Variants in SCNN1B observed in about 807,000 individuals in gnomAD.
SCNN1B encodes sodium channel epithelial 1 subunit beta, also known as epithelial sodium channel subunit beta.
SCNN1B carries 46 observed loss-of-function variants against 65.3 expected under a neutral mutation model. The ratio of observed to expected loss-of-function variants is 0.70; its 90% CI spans 0.56 to 0.90. The LOEUF (loss-of-function observed/expected upper bound fraction) is 0.90, where lower values mean the gene tolerates loss of function less well. Among genes scored for constraint, SCNN1B ranks in the 40% least tolerant of loss-of-function variants. The pLI, the probability that SCNN1B is intolerant of heterozygous loss-of-function variation, is 0.00. For synonymous variants in SCNN1B, 349 were observed against 330.6 expected, an observed-to-expected ratio of 1.06 and a Z score of -0.60; for missense variants, 751 against 830.5, an observed-to-expected ratio of 0.90 and a Z score of 1.18.
intron 4 of SCNN1B, chr16:23,359,060 C>T (rs1472247429): frequency 6.6e-6 from 1 of 152,162 alleles, no homozygotes; most frequent in Non-Finnish European, 1.5e-5. Flanking sequence ...GCAACAAAGT[C>T]ATGAGAAAGG....
rs568679530 is a variant in SCNN1B at position 23,279,269 on chromosome 16, G to A, written n.110+929G>A. 6.6e-5 allele frequency among the ~76,000 whole-genome samples: 10 copies of A among 152,106 alleles called. No homozygotes were observed. In the East Asian group the frequency reaches 1.5e-3, roughly 24 times the overall value. ...TAATTTTTGTATTTTTAGTAGAGAC[G>A]GGTTTTCACCATGTTGGCCAGGCTG... On this transcript the variant is annotated intron_variant and non_coding_transcript_variant, in intron 1 of 3. Coordinates refer to the SCNN1B transcript ENST00000569789.
intron 4 of SCNN1B, among the ~76,000 whole-genome samples, chr16:23,356,525 G>A (rs1228619810): frequency 1.3e-5 from 2 of 151,934 alleles, no homozygotes; most frequent in African/African-American, 2.4e-5. Context: ...TCAGGAGGCT[G>A]AGGAGGGAGG....
At position 23,332,838 on chromosome 16, in the gene SCNN1B, G is replaced by A. The variant is rs151030037; in HGVS notation, c.-8-15754G>A. Among the ~76,000 whole-genome samples, 226 of 152,092 alleles carry A rather than the reference G, an allele frequency of 1.5e-3. 4 individuals are homozygous for A. In the East Asian group the frequency reaches 0.038, roughly 26 times the overall value. ...CGTAATCCCAGCACTTTGGGAGGCC[G>A]AGGCAGTGGATTACGAGGTCAGGAG... On this transcript the variant is annotated intron_variant, in intron 1 of 12. Transcript: ENST00000343070.
chr16:23,345,721 G>A (rs545070130), intron 1 of SCNN1B, among the ~76,000 whole-genome samples: 1 of 152,306 alleles, frequency 6.6e-6, no homozygotes, highest in East Asian at 1.9e-4. Context: ...CACCAACTGA[G>A]ATGAAAGGGA....
chr16:23,309,471 A>G (rs3785367), intron 1 of SCNN1B, among the ~76,000 whole-genome samples: 51,493 of 151,958 alleles, frequency 0.34, 10,618 homozygotes, highest in African/African-American at 0.59. Context: ...AGTTTATTAA[A>G]TATTAACTCA....
At chr16:23,372,264 G>A (rs1962801233) in intron 7 of SCNN1B, 2 of 338,278 alleles carry the variant, frequency 5.9e-6, no homozygotes, top group African/African-American at 2.1e-5. Flanking sequence ...ACTGCCTCCT[G>A]CCATGAATCT....
At position 23,381,176 on chromosome 16, in the gene SCNN1B, T is replaced by G; in HGVS notation, c.*375T>G. On this transcript the variant is annotated 3_prime_UTR_variant, in exon 13 of 13. Coordinates refer to ENST00000343070, the MANE Select transcript of SCNN1B (RefSeq NM_000336.3). ...GCGGGTGGGCCATGTGGTTTTCTCC[T>G]TCCTGGCCTTGGCTGGCCTCTGGGG... 1 of 301,288 alleles carries G rather than the reference T, an allele frequency of 3.3e-6. No individual in the cohort carries two copies. The highest frequency in any genetic ancestry group is 8.0e-5 in the East Asian group (1 of 12,562). 18.7% of individuals were successfully genotyped at this position (301,288 alleles called of 1,614,324 possible).
chr16:23,293,114 C>CA (rs1191618996), intron 2 of SCNN1B, among the ~76,000 whole-genome samples: 2,969 of 34,052 alleles, frequency 0.087, 639 homozygotes, highest in East Asian at 0.31. Context: ...GACTCATTCT[C>CA]AAAAAAAAAA....
intron 1 of SCNN1B, among the ~76,000 whole-genome samples, chr16:23,309,832 A>T (rs995773100): frequency 1.3e-5 from 2 of 152,202 alleles, no homozygotes; most frequent in African/African-American, 2.4e-5. Context: ...GACACTCAGT[A>T]TTAAGCATCA....
intron 1 of SCNN1B, among the ~76,000 whole-genome samples, chr16:23,317,948 T>G (rs1045658972): frequency 6.6e-6 from 1 of 152,208 alleles, no homozygotes; most frequent in African/African-American, 2.4e-5. Flanking sequence ...AGGGCTGCCC[T>G]GCCAGCCTCC....
In SCNN1B at chr16:23,380,150, A is replaced by G. The variant is rs752210681; in HGVS notation, c.1523A>G (p.Glu508Gly). 2.5e-6 allele frequency: 4 copies of G among 1,614,044 alleles called. No individual in the cohort carries two copies. In the Admixed American group the frequency reaches 5.0e-5, roughly 20 times the overall value. ...CAAGAATTTAACTATCGCACCATTG[A>G]AGAATCAGCAGCCAATAACGTGAGT... ...YFQEFNYRTI[E>G]ESAANNIVWL... Residue 508 changes from glutamate (E) to glycine (G), a missense_variant, in exon 12 of 13, where the codon GAA (glutamate) becomes GGA (glycine). Physicochemically the swap from Glu to Gly is moderately conservative, Grantham distance 98. Transcript: ENST00000343070. This position sits in a 1 kb window ranked among gnomAD's most constrained non-coding sequence, Gnocchi z 5.4.
In SCNN1B at chr16:23,371,552, G is replaced by A. The variant is rs34296166; in HGVS notation, c.1044+90G>A. The A allele has an allele frequency of 3.0e-3, 4,065 of 1,357,410 alleles. 7 individuals carry two copies. Among genetic ancestry groups the A allele is most frequent in the Non-Finnish European group, 3.8e-3 (3,664 of 963,786 alleles). 84.1% of individuals were successfully genotyped at this position (1,357,410 alleles called of 1,614,324 possible). The stretch of plus-strand genomic sequence containing the variant: ...AACTGCCCTTGGCCTGGGAGGAGGG[G>A]ATCTGGGCCCCCCAGCCCTGGCCTT... On this transcript the variant is annotated intron_variant, in intron 6 of 12. Coordinates refer to ENST00000343070, the MANE Select transcript of SCNN1B (RefSeq NM_000336.3).
intron 1 of SCNN1B, among the ~76,000 whole-genome samples, chr16:23,346,104 A>G (rs1031388547): frequency 4.0e-5 from 6 of 150,868 alleles, no homozygotes; most frequent in African/African-American, 1.5e-4. Context: ...AAACTCTGGC[A>G]TTCCTCATCC....
chr16:23,367,686 G>T (rs543841951), intron 4 of SCNN1B, among the ~76,000 whole-genome samples, 170 bp from the exon 5 acceptor site: 8 of 152,366 alleles, frequency 5.3e-5, no homozygotes, highest in African/African-American at 1.7e-4. Flanking sequence ...TCCCAAGGGA[G>T]CCTGGGAATC....
chr16:23,314,652 G>T (rs922318139), intron 1 of SCNN1B, among the ~76,000 whole-genome samples: 1 of 152,086 alleles, frequency 6.6e-6, no homozygotes, highest in Non-Finnish European at 1.5e-5. Context: ...CATGGCTCTC[G>T]AAGCCTTTGG....
At chr16:23,298,424 A>G (rs1961027549), upstream of SCNN1B, among the ~76,000 whole-genome samples, 1 of 152,156 alleles carries the variant, frequency 6.6e-6, no homozygotes, top group Admixed American at 6.5e-5. Context: ...TCATATTTAT[A>G]CCCACTTTTA....
At chr16:23,371,249 T>G in intron 5 of SCNN1B, 50 bp from the exon 6 acceptor site, 1 of 1,605,584 alleles carries the variant, frequency 6.2e-7, no homozygotes, top group Non-Finnish European at 8.5e-7. Context: ...GGGGTCTCCT[T>G]TCTGCCTCAG....
upstream of SCNN1B, among the ~76,000 whole-genome samples, chr16:23,301,471 A>G (rs935366016): frequency 3.4e-5 from 5 of 147,318 alleles, no homozygotes; most frequent in East Asian, 1.9e-4. Context: ...AGAAAAATAC[A>G]AAAGATTCCT....
chr16:23,309,927 A>T (rs992794285), intron 1 of SCNN1B, among the ~76,000 whole-genome samples: 1 of 152,182 alleles, frequency 6.6e-6, no homozygotes, highest in Non-Finnish European at 1.5e-5. Context: ...GCATGTGTCA[A>T]GGCACAAGTC....
Sources: gnomAD v4.1 joint callset for allele counts (sites outside exome capture counted in the v4.1 genomes callset) on GRCh38, gnomAD v4.1.1 for gene constraint, Gnocchi (gnomAD v3.1) non-coding constraint, MANE v1.5 for transcripts, NCBI Gene and HGNC (gene_info 2026-07-23, HGNC 2026-07-21) for gene names.